PCNX2: variants seen among roughly 807,000 people sequenced by gnomAD.
PCNX2 encodes pecanex-like protein 2.
PCNX2 carries 168 observed loss-of-function variants against 223.8 expected under a neutral mutation model. The ratio of observed to expected loss-of-function variants is 0.75; its 90% CI spans 0.66 to 0.85. The LOEUF (loss-of-function observed/expected upper bound fraction) is 0.85, where lower values mean the gene tolerates loss of function less well. Ranked by LOEUF, PCNX2 falls within the 40% of genes least tolerant of loss-of-function variation. The pLI is 0.00. For synonymous variants in PCNX2, 1,006 were observed against 1,052.6 expected, an observed-to-expected ratio of 0.96 and a Z score of 0.86; for missense variants, 2,507 against 2,675.5, an observed-to-expected ratio of 0.94 and a Z score of 1.39.
intron 12 of PCNX2, 137 bp from the exon 13 acceptor site, chr1:233,208,826 CAAAAAAAAAAAAA>C (rs71173255): frequency 0.021 from 1,254 of 59,760 alleles, 39 homozygotes; most frequent in African/African-American, 0.066. Context: ...AATTCATATA[CAAAAAAAAAAAAA>C]AAAAAAAAAA....
chr1:233,024,617 G>C (rs1172634509), intron 26 of PCNX2, among the ~76,000 whole-genome samples: 1 of 152,156 alleles, frequency 6.6e-6, no homozygotes, highest in Non-Finnish European at 1.5e-5. Flanking sequence ...AATACAATTG[G>C]GCAGATGTAG....
chr1:233,134,997 T>C lies in PCNX2; in HGVS notation c.3837+16A>G, dbSNP rs760172135. 6.4e-6 allele frequency: 10 copies of C among 1,569,184 alleles called. No individual in the cohort carries two copies. The Admixed American group carries it at 8.3e-5, about 13-fold the overall frequency. ...CTTTAAAATGTTAAAATGAAGAAAA[T>C]AGCTAATTCACTTGCCTTGCTAAAT... On this transcript the variant is annotated intron_variant, in intron 21 of 33. Coordinates refer to ENST00000258229, the MANE Select transcript of PCNX2 (RefSeq NM_014801.4).
At chr1:233,322,782 C>G in the PCNX2 span, among the ~76,000 whole-genome samples, 1 of 152,062 alleles carries the variant, frequency 6.6e-6, no homozygotes, top group African/African-American at 2.4e-5. Context: ...CAGCACTTCC[C>G]CACCCTTGAT....
chr1:233,265,305 T>C (rs1308870878), intron 1 of PCNX2, among the ~76,000 whole-genome samples: 2 of 151,986 alleles, frequency 1.3e-5, no homozygotes, highest in Admixed American at 1.3e-4. Flanking sequence ...TAGGGTTTCA[T>C]AGTACTCTAG....
chr1:232,992,326 T>C (rs1054975832), intron 32 of PCNX2, among the ~76,000 whole-genome samples: 1 of 152,214 alleles, frequency 6.6e-6, no homozygotes, highest in Non-Finnish European at 1.5e-5. Context: ...TGCTGGCTGC[T>C]TCAGAAAGAA....
chr1:233,093,199 G>T (rs1673977548), intron 22 of PCNX2, among the ~76,000 whole-genome samples: 1 of 152,186 alleles, frequency 6.6e-6, no homozygotes, highest in African/African-American at 2.4e-5. Context: ...TTACTATAGA[G>T]AATCTGGCTA....
chr1:233,087,008 G>T, intron 23 of PCNX2: 1 of 984,860 alleles, frequency 1.0e-6, no homozygotes, highest in African/African-American at 1.7e-5. Context: ...AGGCAGACAG[G>T]GGACACATTT....
At chr1:233,072,609 G>T (rs1672904787) in intron 23 of PCNX2, among the ~76,000 whole-genome samples, 1 of 152,146 alleles carries the variant, frequency 6.6e-6, no homozygotes, top group Non-Finnish European at 1.5e-5. Context: ...TCACAACGTA[G>T]TGTTGTATTT....
chr1:233,071,683 C>A (rs988569932), intron 23 of PCNX2, among the ~76,000 whole-genome samples: 1 of 152,038 alleles, frequency 6.6e-6, no homozygotes, highest in Non-Finnish European at 1.5e-5. Context: ...CTGCTGTGTC[C>A]AATGGTATTT....
chr1:232,994,966 G>A (rs571132498), intron 32 of PCNX2, among the ~76,000 whole-genome samples: 1 of 152,272 alleles, frequency 6.6e-6, no homozygotes, highest in Admixed American at 6.5e-5. Context: ...TACCTTTGTA[G>A]CAGTGTGAAA....
At chr1:233,323,304 A>G in the PCNX2 span, among the ~76,000 whole-genome samples, 1 of 152,254 alleles carries the variant, frequency 6.6e-6, no homozygotes, top group Non-Finnish European at 1.5e-5. Flanking sequence ...GTGTACTATC[A>G]TACTAAAGTC....
At chr1:233,002,030 C>T (rs1242930091) in intron 28 of PCNX2, among the ~76,000 whole-genome samples, 11 of 152,088 alleles carry the variant, frequency 7.2e-5, no homozygotes, top group Non-Finnish European at 2.9e-5. Context: ...CCAATGAAAC[C>T]CCAGAGACGA....
In PCNX2 at chr1:233,059,130, CT is replaced by C. The variant is rs1356861295; in HGVS notation, c.4077-1841del. ...ACTTAGGGATCCCTTTCCATTCCCACTCATTTTTCCTCATTGACTCCTCTCA... is the reference window on the plus strand; with the variant it reads ...ACTTAGGGATCCCTTTCCATTCCCACCATTTTTCCTCATTGACTCCTCTCA... On this transcript the variant is annotated intron_variant, in intron 23 of 33. Transcript: ENST00000258229. 7.5e-4 allele frequency among the ~76,000 whole-genome samples: 114 copies of C among 152,156 alleles called. 1 individual carries two copies. The highest frequency in any genetic ancestry group is 1.5e-5 in the Non-Finnish European group (1 of 68,040).
chr1:233,119,428 A>C (rs982061068), intron 21 of PCNX2, among the ~76,000 whole-genome samples: 1 of 132,712 alleles, frequency 7.5e-6, no homozygotes, highest in Non-Finnish European at 1.7e-5. Flanking sequence ...AAAAAAAAAA[A>C]AAAAAAAATT....
In PCNX2 at chr1:232,999,146, AGT is replaced by A. The variant is rs1558151622; in HGVS notation, c.5560_5561del (p.Thr1854PhefsTer5). The A allele has an allele frequency of 1.6e-5, 26 of 1,613,710 alleles. No individual in the cohort carries two copies. The highest frequency in any genetic ancestry group is 1.7e-4 in the Middle Eastern group (1 of 6,060). On this transcript the variant is annotated frameshift_variant, in exon 31 of 34. Coordinates refer to ENST00000258229, the MANE Select transcript of PCNX2 (RefSeq NM_014801.4). LOFTEE classifies it high-confidence loss of function. ...AGAACCAGGTCCTAATTCTGTCCAA[AGT>A]GATGGGTCCACCCCAGATGTTCTTC... ...QLKNIWGGPITLDRIRTWFWT... is the reference protein window; with the variant it reads ...QLKNIWGGPIXLDRIRTWFWT...
chr1:233,049,634 A>G (rs1338609152), intron 25 of PCNX2, among the ~76,000 whole-genome samples: 1 of 152,196 alleles, frequency 6.6e-6, no homozygotes, highest in African/African-American at 2.4e-5. Flanking sequence ...AGAAATAAAT[A>G]AAAGACATCC....
At chr1:233,296,691 A>G (rs969263870), upstream of PCNX2, among the ~76,000 whole-genome samples, 21 of 152,142 alleles carry the variant, frequency 1.4e-4, no homozygotes, top group Admixed American at 9.2e-4. Context: ...ATGATTCCCA[A>G]CACGCCTTCC....
chr1:233,169,661 T>G (rs1285117802), intron 17 of PCNX2, among the ~76,000 whole-genome samples: 1 of 143,034 alleles, frequency 7.0e-6, no homozygotes, highest in Admixed American at 7.1e-5. Flanking sequence ...AAAAAAAAAA[T>G]GTGACACAGG....
In PCNX2 at chr1:233,173,421, C is replaced by T. The variant is rs368225005; in HGVS notation, c.3273+4381G>A. 2.9e-4 allele frequency among the ~76,000 whole-genome samples: 44 copies of T among 152,340 alleles called. No homozygotes were observed. In the South Asian group the frequency reaches 8.9e-3, roughly 31 times the overall value. ...CCTCAGGTGATCCACCCGCCTCGGC[C>T]TCCGAAAGTGCTGGCATTATAGGTG... On this transcript the variant is annotated intron_variant, in intron 17 of 33. Transcript: ENST00000258229.
Sources: allele counts gnomAD v4.1 joint callset (sites outside exome capture counted in the v4.1 genomes callset), GRCh38; gene constraint gnomAD v4.1.1; transcripts MANE v1.5; gene names NCBI Gene and HGNC (gene_info 2026-07-23, HGNC 2026-07-21).